LINGO2: variants seen among roughly 807,000 people sequenced by gnomAD.
LINGO2 encodes leucine rich repeat and Ig domain containing 2.
Under a neutral mutation model 30.6 loss-of-function variants are expected in LINGO2, and 14 were observed. That is an observed-to-expected ratio of 0.46 (90% CI 0.30 to 0.72). LINGO2 has a LOEUF of 0.72. Among genes scored for constraint, LINGO2 ranks in the 30% least tolerant of loss-of-function variants. LINGO2 has a pLI of 0.07. For missense variants in LINGO2, 729 were observed against 751.7 expected, an observed-to-expected ratio of 0.97 and a Z score of 0.35; for synonymous variants, 317 against 288.5, an observed-to-expected ratio of 1.10 and a Z score of -1.00.
At chr9:28,977,340 G>A in the LINGO2 span, among the ~76,000 whole-genome samples, 1 of 152,016 alleles carries the variant, frequency 6.6e-6, no homozygotes, top group South Asian at 2.1e-4. Context: ...TATCTCTGTG[G>A]GAGGAGGAGT....
intron 4 of LINGO2, among the ~76,000 whole-genome samples, chr9:28,237,400 C>T (rs1699874294): frequency 6.6e-6 from 1 of 151,718 alleles, no homozygotes; most frequent in South Asian, 2.1e-4. Flanking sequence ...CACAAAACAA[C>T]CAGAAAAGAA....
chr9:28,188,200 T>A lies in LINGO2; in HGVS notation c.-87+107008A>T, dbSNP rs543827911. Among the ~76,000 whole-genome samples, 3 of 152,326 alleles carry A rather than the reference T, an allele frequency of 2.0e-5. No homozygotes were observed. The South Asian group carries it at 6.2e-4, about 32-fold the overall frequency. On this transcript the variant is annotated intron_variant, in intron 4 of 5. Coordinates refer to ENST00000379992, the Ensembl canonical transcript of LINGO2. ...AGGCTTTTCAAATGAGTCTAACTCA[T>A]AGCTAATTTCTACTTATTCACTCAG...
intron 4 of LINGO2, among the ~76,000 whole-genome samples, chr9:28,208,448 A>G (rs1347269669): frequency 6.6e-6 from 1 of 152,072 alleles, no homozygotes; most frequent in African/African-American, 2.4e-5. Flanking sequence ...TCTGCTATTT[A>G]AGGAAGCTAG....
intron 4 of LINGO2, among the ~76,000 whole-genome samples, chr9:28,216,937 T>G (rs960928365): frequency 1.3e-5 from 2 of 151,826 alleles, no homozygotes; most frequent in South Asian, 2.1e-4. Flanking sequence ...GAAATTTCAA[T>G]TTACATGCCA....
At chr9:28,783,089 G>A in the LINGO2 span, among the ~76,000 whole-genome samples, 2 of 152,088 alleles carry the variant, frequency 1.3e-5, no homozygotes, top group Admixed American at 1.3e-4. Context: ...TTCAGTTATT[G>A]AACAGAAACA....
At chr9:28,940,846 T>C in the LINGO2 span, among the ~76,000 whole-genome samples, 1 of 152,094 alleles carries the variant, frequency 6.6e-6, no homozygotes, top group East Asian at 1.9e-4. Flanking sequence ...ACAACACCAA[T>C]TACAGAGACT....
chr9:29,014,570 G>A, the LINGO2 span, among the ~76,000 whole-genome samples: 3 of 152,140 alleles, frequency 2.0e-5, no homozygotes, highest in Non-Finnish European at 2.9e-5. Context: ...AAGAAAACAG[G>A]CCAAGAAAGA....
At chr9:28,740,693 T>C in the LINGO2 span, among the ~76,000 whole-genome samples, 94 of 152,146 alleles carry the variant, frequency 6.2e-4, 1 homozygote, top group African/African-American at 2.1e-3. Flanking sequence ...GATGTAAAAT[T>C]GTATATATTT....
intron 4 of LINGO2, among the ~76,000 whole-genome samples, chr9:28,050,184 G>A (rs113708776): frequency 6.6e-6 from 1 of 150,666 alleles, no homozygotes; most frequent in African/African-American, 2.5e-5. Context: ...GAATAAAAAG[G>A]AGGAACAAAT....
chr9:28,135,392 T>C (rs1482176122), intron 4 of LINGO2, among the ~76,000 whole-genome samples: 1 of 151,656 alleles, frequency 6.6e-6, no homozygotes, highest in Non-Finnish European at 1.5e-5. Context: ...AAGGAATACT[T>C]GGGAGAACAG....
At chr9:28,000,551 G>C (rs1821896514) in intron 5 of LINGO2, among the ~76,000 whole-genome samples, 1 of 152,172 alleles carries the variant, frequency 6.6e-6, no homozygotes, top group Non-Finnish European at 1.5e-5. Flanking sequence ...TTCCATGCTT[G>C]TCAAATGACC....
At chr9:28,828,543 G>GT in the LINGO2 span, among the ~76,000 whole-genome samples, 29,329 of 151,772 alleles carry the variant, frequency 0.19, 3,001 homozygotes, top group Non-Finnish European at 0.23. Flanking sequence ...GTAGTTCAAG[G>GT]AAGTGCTAAA....
chr9:29,116,513 T>G, the LINGO2 span, among the ~76,000 whole-genome samples: 1 of 152,118 alleles, frequency 6.6e-6, no homozygotes, highest in East Asian at 1.9e-4. Context: ...TTTCTTTTCA[T>G]TCACTGCAAG....
the LINGO2 span, among the ~76,000 whole-genome samples, chr9:28,717,780 T>C: frequency 1.3e-5 from 2 of 151,996 alleles, no homozygotes; most frequent in Non-Finnish European, 2.9e-5. Context: ...TTCTCAGATC[T>C]AGTGGGAAAT....
intron 1 of LINGO2, among the ~76,000 whole-genome samples, chr9:28,642,873 C>T (rs142921174): frequency 2.7e-4 from 41 of 152,112 alleles, no homozygotes; most frequent in African/African-American, 9.2e-4. Flanking sequence ...TGTTTCTTGA[C>T]GTGTTTTCCC....
chr9:28,920,881 T>A, the LINGO2 span, among the ~76,000 whole-genome samples: 1 of 152,196 alleles, frequency 6.6e-6, no homozygotes, highest in Non-Finnish European at 1.5e-5. Flanking sequence ...AGCTAACATT[T>A]CCAGATCTGC....
chr9:28,636,610 G>T (rs535112090), intron 1 of LINGO2, among the ~76,000 whole-genome samples: 1 of 152,278 alleles, frequency 6.6e-6, no homozygotes, highest in East Asian at 1.9e-4. Flanking sequence ...TCTGTTGGCT[G>T]CATAAATGTC....
intron 3 of LINGO2, among the ~76,000 whole-genome samples, chr9:28,309,680 A>G (rs1457637750): frequency 6.6e-6 from 1 of 152,088 alleles, no homozygotes; most frequent in Non-Finnish European, 1.5e-5. Flanking sequence ...ATTTAATTAC[A>G]ATTTAAAACG....
At chr9:28,331,304 C>A (rs77304424) in intron 3 of LINGO2, among the ~76,000 whole-genome samples, 7,396 of 151,928 alleles carry the variant, frequency 0.049, 234 homozygotes, top group Non-Finnish European at 0.075. Context: ...AGAACAAAAA[C>A]CAAATAAACA....
Sources: allele counts gnomAD v4.1 joint callset (sites outside exome capture counted in the v4.1 genomes callset), GRCh38; gene constraint gnomAD v4.1.1; transcripts MANE v1.5; gene names NCBI Gene and HGNC (gene_info 2026-07-23, HGNC 2026-07-21).